Variants in PDGFC observed in about 807,000 individuals in gnomAD.
The protein encoded by PDGFC is platelet derived growth factor C.
A neutral mutation model predicts 35.5 loss-of-function variants in PDGFC; 12 were observed. The ratio of observed to expected loss-of-function variants is 0.34; its 90% CI spans 0.22 to 0.55. The LOEUF is 0.55. Ranked by LOEUF, PDGFC falls within the 20% of genes least tolerant of loss-of-function variation. The pLI, the probability that PDGFC is intolerant of heterozygous loss-of-function variation, is 0.91. For missense variants in PDGFC, 322 were observed against 412.4 expected, an observed-to-expected ratio of 0.78 and a Z score of 1.90; for synonymous variants, 159 against 148.8, an observed-to-expected ratio of 1.07 and a Z score of -0.50.
At chr4:156,780,137 T>A (rs1027274481) in intron 3 of PDGFC, among the ~76,000 whole-genome samples, 12 of 144,934 alleles carry the variant, frequency 8.3e-5, no homozygotes, top group African/African-American at 3.1e-4. Flanking sequence ...TTACTAAAAT[T>A]TGAAAAACAA....
intron 2 of PDGFC, among the ~76,000 whole-genome samples, chr4:156,825,352 T>C (rs908169954): frequency 7.0e-6 from 1 of 143,212 alleles, no homozygotes; most frequent in African/African-American, 2.6e-5. Flanking sequence ...AGTTCAAGAA[T>C]AGCCTGGGAA....
chr4:156,786,134 T>C (rs1313155335), intron 3 of PDGFC, among the ~76,000 whole-genome samples: 1 of 152,188 alleles, frequency 6.6e-6, no homozygotes, highest in African/African-American at 2.4e-5. Flanking sequence ...TTATGTAATA[T>C]ATATTCATTT....
At position 156,780,193 on chromosome 4, in the gene PDGFC, G is replaced by A. The variant is rs72683332; in HGVS notation, c.496-7300C>T. 2.1e-3 allele frequency among the ~76,000 whole-genome samples: 304 copies of A among 143,392 alleles called. 2 individuals carry two copies. The highest frequency in any genetic ancestry group is 5.8e-3 in the South Asian group (26 of 4,446). The allele number at this position is 143,392 out of a possible 152,430, so 94.1% of individuals were successfully genotyped here. On this transcript the variant is annotated intron_variant, in intron 3 of 5. Transcript: ENST00000502773. Reference sequence around the variant, plus strand: ...GACAGGCCTTAAAAGCTAAAATAACGTCTATCAGTGGCAAGTGTTTGACAA... The same window carrying A: ...GACAGGCCTTAAAAGCTAAAATAACATCTATCAGTGGCAAGTGTTTGACAA...
intron 2 of PDGFC, among the ~76,000 whole-genome samples, chr4:156,832,620 G>A (rs867617693): frequency 2.6e-5 from 4 of 152,096 alleles, no homozygotes; most frequent in Admixed American, 6.5e-5. Flanking sequence ...ACCATCAATG[G>A]CCGTTATTTT....
chr4:156,933,799 T>C (rs375527742), intron 1 of PDGFC, among the ~76,000 whole-genome samples: 3 of 152,126 alleles, frequency 2.0e-5, no homozygotes, highest in African/African-American at 7.2e-5. Flanking sequence ...TTTAAAAGTG[T>C]AGCACTTTCC....
At chr4:156,908,531 G>T (rs1178483282) in intron 1 of PDGFC, among the ~76,000 whole-genome samples, 2 of 151,944 alleles carry the variant, frequency 1.3e-5, no homozygotes. Flanking sequence ...GAACAAACTT[G>T]GCACTAGGAA....
intron 1 of PDGFC, among the ~76,000 whole-genome samples, chr4:156,924,222 G>A (rs183080253): frequency 5.3e-5 from 8 of 152,226 alleles, no homozygotes; most frequent in South Asian, 2.1e-4. Flanking sequence ...GTGTTTATTC[G>A]TGGGCAGCCG....
intron 1 of PDGFC, among the ~76,000 whole-genome samples, chr4:156,962,095 G>C (rs1732357443): frequency 6.6e-6 from 1 of 152,162 alleles, no homozygotes; most frequent in African/African-American, 2.4e-5. Context: ...TAGACATGAA[G>C]ACTTTTCTTT....
intron 1 of PDGFC, among the ~76,000 whole-genome samples, chr4:156,934,901 T>C (rs1012094704): frequency 2.0e-5 from 3 of 152,208 alleles, no homozygotes; most frequent in African/African-American, 2.4e-5. Flanking sequence ...ATAATAGGCA[T>C]GGACATGTCA....
intron 1 of PDGFC, among the ~76,000 whole-genome samples, chr4:156,947,149 A>G (rs2110926149): frequency 6.6e-6 from 1 of 152,100 alleles, no homozygotes; most frequent in South Asian, 2.1e-4. Context: ...GAAGTAAACA[A>G]GATAAAAGAC....
chr4:156,776,537 G>C (rs1579001592), intron 3 of PDGFC, among the ~76,000 whole-genome samples: 2 of 152,224 alleles, frequency 1.3e-5, no homozygotes, highest in Admixed American at 1.3e-4. Context: ...GACAAGCTTG[G>C]TGAGGGTGTG....
intron 1 of PDGFC, among the ~76,000 whole-genome samples, chr4:156,879,778 A>T (rs1275246661): frequency 6.6e-6 from 1 of 152,170 alleles, no homozygotes; most frequent in Non-Finnish European, 1.5e-5. Context: ...GGAACCTACA[A>T]AGTAAAATTG....
At chr4:156,820,881 A>G (rs1451293800) in intron 2 of PDGFC, among the ~76,000 whole-genome samples, 2 of 152,232 alleles carry the variant, frequency 1.3e-5, no homozygotes, top group African/African-American at 4.8e-5. Context: ...ATTAAAGGTA[A>G]TTCTCATTAA....
At chr4:156,883,079 G>T in intron 1 of PDGFC, among the ~76,000 whole-genome samples, 1 of 143,352 alleles carries the variant, frequency 7.0e-6, no homozygotes, top group Admixed American at 7.1e-5. Context: ...GCAAGATTCT[G>T]TCTCCAAAAA....
At chr4:156,813,985 G>C (rs1732011435) in intron 2 of PDGFC, among the ~76,000 whole-genome samples, 1 of 152,064 alleles carries the variant, frequency 6.6e-6, no homozygotes, top group Admixed American at 6.6e-5. Context: ...CAGGCACATA[G>C]TAAACGCTGT....
At chr4:156,768,316 TA>T (rs34242897) in intron 4 of PDGFC, among the ~76,000 whole-genome samples, 48,962 of 138,970 alleles carry the variant, frequency 0.35, 9,033 homozygotes, top group African/African-American at 0.52. Context: ...TTAACCTTAG[TA>T]AAAAAAAAAA....
At chr4:156,888,121 A>C (rs1306354164) in intron 1 of PDGFC, among the ~76,000 whole-genome samples, 1 of 152,078 alleles carries the variant, frequency 6.6e-6, no homozygotes, top group Non-Finnish European at 1.5e-5. Context: ...ACAATTACGG[A>C]GGTACCCATG....
intron 2 of PDGFC, among the ~76,000 whole-genome samples, chr4:156,822,113 A>G (rs1307390380): frequency 6.6e-6 from 1 of 152,150 alleles, no homozygotes; most frequent in Non-Finnish European, 1.5e-5. Flanking sequence ...TAATCCCAGC[A>G]GTTTGGGAGG....
In PDGFC at chr4:156,971,303, C is replaced by T. The variant is rs1044709393; in HGVS notation, c.-400G>A. The stretch of plus-strand genomic sequence containing the variant: ...GGGGGACAGGACAGAGGCGAAAACT[C>T]AAGGGTTGCCCGCAGCCAGACTGGA... On this transcript the variant is annotated 5_prime_UTR_variant, in exon 1 of 6. Transcript: ENST00000502773. 2.5e-6 allele frequency: 1 copy of T among 401,168 alleles called. No individual in the cohort carries two copies. Among genetic ancestry groups the T allele is most frequent in the African/African-American group, 2.1e-5 (1 of 48,754 alleles). 24.9% of individuals were successfully genotyped at this position (401,168 alleles called of 1,614,324 possible). A position where few individuals can be genotyped will look rare whatever the true frequency, so the allele number is the denominator to read the frequency against.
Sources: gnomAD v4.1 joint callset for allele counts (sites outside exome capture counted in the v4.1 genomes callset) on GRCh38, gnomAD v4.1.1 for gene constraint, MANE v1.5 for transcripts, NCBI Gene and HGNC (gene_info 2026-07-23, HGNC 2026-07-21) for gene names.